The following WDPCP variants were observed in gnomAD, a reference collection of about 807,000 sequenced individuals.
WDPCP encodes WD repeat-containing and planar cell polarity effector protein fritz homolog.
Under a neutral mutation model 93.1 loss-of-function variants are expected in WDPCP, and 71 were observed. The observed-to-expected ratio is 0.76, with a 90% confidence interval of 0.63 to 0.93. The LOEUF (loss-of-function observed/expected upper bound fraction) is 0.93, where lower values mean the gene tolerates loss of function less well. Ranked by LOEUF, WDPCP falls within the 40% of genes least tolerant of loss-of-function variation. The pLI is 0.00. For missense variants in WDPCP, 844 were observed against 887.4 expected, an observed-to-expected ratio of 0.95 and a Z score of 0.62; for synonymous variants, 315 against 315.0, an observed-to-expected ratio of 1.00 and a Z score of 0.00.
chr2:63,144,243 T>C (rs544726835), intron 17 of WDPCP, among the ~76,000 whole-genome samples: 2 of 151,138 alleles, frequency 1.3e-5, no homozygotes, highest in Non-Finnish European at 2.9e-5. Flanking sequence ...GGTGAGACTT[T>C]CCAGAGCATT....
chr2:63,453,622 C>T (rs1698416183), intron 6 of WDPCP, among the ~76,000 whole-genome samples: 1 of 152,134 alleles, frequency 6.6e-6, no homozygotes, highest in Non-Finnish European at 1.5e-5. Context: ...ATAAATCATG[C>T]TGCTATAAAG....
chr2:63,285,401 T>G (rs920998533), intron 13 of WDPCP, among the ~76,000 whole-genome samples: 1 of 140,814 alleles, frequency 7.1e-6, no homozygotes, highest in African/African-American at 2.7e-5. Flanking sequence ...GCCACTGCAC[T>G]CCAGCCTGGG....
intron 2 of WDPCP, among the ~76,000 whole-genome samples, chr2:63,664,319 A>G (rs1443881767): frequency 6.6e-6 from 1 of 152,248 alleles, no homozygotes; most frequent in Non-Finnish European, 1.5e-5. Context: ...AACCAAGATT[A>G]GAGACTATAT....
intron 1 of WDPCP, among the ~76,000 whole-genome samples, chr2:63,500,645 C>G (rs768959555): frequency 6.6e-6 from 1 of 152,106 alleles, no homozygotes; most frequent in Non-Finnish European, 1.5e-5. Context: ...GCCAAAAATG[C>G]CTTCATTCTA....
At chr2:63,302,688 A>C (rs1230655543) in intron 13 of WDPCP, among the ~76,000 whole-genome samples, 2 of 152,188 alleles carry the variant, frequency 1.3e-5, no homozygotes, top group African/African-American at 4.8e-5. Flanking sequence ...TTTAATGAAA[A>C]AGGATTTGTG....
intron 9 of WDPCP, among the ~76,000 whole-genome samples, chr2:63,430,539 A>C (rs1383851826): frequency 6.6e-6 from 1 of 152,220 alleles, no homozygotes; most frequent in Non-Finnish European, 1.5e-5. Flanking sequence ...TTTTCAAAAG[A>C]ATTTTTTCTT....
intron 13 of WDPCP, among the ~76,000 whole-genome samples, chr2:63,291,662 A>G (rs1306482173): frequency 6.6e-6 from 1 of 152,086 alleles, no homozygotes. Context: ...TACAAAAATT[A>G]GCTGGGCATG....
At chr2:63,746,373 C>A (rs1669797801) in intron 2 of WDPCP, among the ~76,000 whole-genome samples, 1 of 152,118 alleles carries the variant, frequency 6.6e-6, no homozygotes, top group Non-Finnish European at 1.5e-5. Context: ...TGTTTGTAGA[C>A]CATGTGTTTT....
chr2:63,403,782 T>C, intron 10 of WDPCP: 1 of 422,996 alleles, frequency 2.4e-6, no homozygotes, highest in South Asian at 2.7e-5. Context: ...GTGTAGTTTA[T>C]TTTAGAGCGT....
chr2:63,209,267 A>C (rs930414147), intron 14 of WDPCP, among the ~76,000 whole-genome samples: 1 of 152,180 alleles, frequency 6.6e-6, no homozygotes, highest in Non-Finnish European at 1.5e-5. Context: ...TTCACCTTTC[A>C]TAGCTGTTTC....
At chr2:63,600,362 C>G (rs1049560310) in intron 3 of WDPCP, among the ~76,000 whole-genome samples, 2 of 152,184 alleles carry the variant, frequency 1.3e-5, no homozygotes, top group Non-Finnish European at 2.9e-5. Context: ...AGTCAGAGAA[C>G]CTGCTCAGAG....
upstream of WDPCP, chr2:63,588,663 C>A: frequency 2.1e-6 from 1 of 479,752 alleles, no homozygotes; most frequent in South Asian, 2.2e-5. Flanking sequence ...GAGTTACACA[C>A]GCTATCTCTC....
chr2:63,597,467 A>G, intron 3 of WDPCP: 1 of 1,512,894 alleles, frequency 6.6e-7, no homozygotes, highest in South Asian at 1.3e-5. Context: ...TGTGGGCTCC[A>G]TGCCAAGAAG....
chr2:63,786,784 A>C (rs1053972487), intron 2 of WDPCP, among the ~76,000 whole-genome samples: 9 of 152,218 alleles, frequency 5.9e-5, no homozygotes, highest in Admixed American at 4.6e-4. Flanking sequence ...AATGAAAAAG[A>C]ATGATTCATA....
intron 2 of WDPCP, among the ~76,000 whole-genome samples, chr2:63,675,228 T>A (rs184703156): frequency 1.3e-5 from 2 of 152,150 alleles, no homozygotes; most frequent in Admixed American, 1.3e-4. Context: ...GCCTCCTTCA[T>A]TGGGACTCTT....
intron 13 of WDPCP, among the ~76,000 whole-genome samples, chr2:63,305,835 A>G (rs921916446): frequency 1.2e-4 from 19 of 152,206 alleles, no homozygotes; most frequent in Non-Finnish European, 2.2e-4. Context: ...GCTAACTAGA[A>G]TAACCAGTTT....
intron 2 of WDPCP, among the ~76,000 whole-genome samples, chr2:63,809,939 A>T (rs187911814): frequency 0.012 from 1,627 of 138,578 alleles, 18 homozygotes; most frequent in Middle Eastern, 0.1. Flanking sequence ...AAATTAAATT[A>T]AAAAAAAAAT....
At chr2:63,657,209 T>G (rs1710177922) in intron 2 of WDPCP, among the ~76,000 whole-genome samples, 1 of 145,548 alleles carries the variant, frequency 6.9e-6, no homozygotes, top group African/African-American at 2.6e-5. Flanking sequence ...GGTGATGTTT[T>G]TTTTTTTTTT....
chr2:63,416,199 C>CTTTT (rs142173557), intron 9 of WDPCP, among the ~76,000 whole-genome samples: 1 of 149,650 alleles, frequency 6.7e-6, no homozygotes, highest in Non-Finnish European at 1.5e-5. Flanking sequence ...TCTTTTTTTT[C>CTTTT]CTTTTTTTTT....
Sources: allele counts gnomAD v4.1 joint callset (sites outside exome capture counted in the v4.1 genomes callset), GRCh38; gene constraint gnomAD v4.1.1; transcripts MANE v1.5; gene names NCBI Gene and HGNC (gene_info 2026-07-23, HGNC 2026-07-21).